Variants in ADK observed in about 807,000 individuals in gnomAD.
ADK encodes the protein N6,N6-dimethyladenosine kinase.
A neutral mutation model predicts 44.7 loss-of-function variants in ADK; 24 were observed. The ratio of observed to expected loss-of-function variants is 0.54; its 90% CI spans 0.39 to 0.76. The LOEUF (loss-of-function observed/expected upper bound fraction) is 0.76. ADK is among the 30% of genes least tolerant of loss of function. The pLI is 0.00. For missense variants in ADK, 321 were observed against 425.1 expected (o/e 0.76, Z 2.15); for synonymous variants, 128 against 142.6 (o/e 0.90, Z 0.73).
chr10:74,654,635 AC>A (rs1429658530), intron 9 of ADK, among the ~76,000 whole-genome samples: 2 of 152,000 alleles, frequency 1.3e-5, no homozygotes, highest in African/African-American at 4.8e-5. Flanking sequence ...ACATGGGGAA[AC>A]CCCCGTCTCT....
intron 2 of ADK, among the ~76,000 whole-genome samples, chr10:74,206,176 A>C (rs531251481): frequency 1.3e-5 from 2 of 152,378 alleles, no homozygotes; most frequent in Non-Finnish European, 2.9e-5. Context: ...CGTGTATTTC[A>C]AAAGTAAAAT....
intron 7 of ADK, among the ~76,000 whole-genome samples, chr10:74,579,970 A>G (rs1851320974): frequency 6.6e-6 from 1 of 152,214 alleles, no homozygotes; most frequent in Non-Finnish European, 1.5e-5. Context: ...GTTGGGGACA[A>G]TATTAGCTCT....
chr10:74,518,314 T>C (rs1241044654), intron 6 of ADK, among the ~76,000 whole-genome samples: 1 of 152,208 alleles, frequency 6.6e-6, no homozygotes, highest in African/African-American at 2.4e-5. Context: ...CTAGGCTTGG[T>C]TGGGCTCTCT....
At chr10:74,366,901 G>T (rs1028781840) in intron 4 of ADK, among the ~76,000 whole-genome samples, 11 of 152,204 alleles carry the variant, frequency 7.2e-5, no homozygotes, top group African/African-American at 2.7e-4. Flanking sequence ...CTGCACTCCA[G>T]CCTAGGTAAC....
In ADK at chr10:74,328,374, C is replaced by T. The variant is rs545222856; in HGVS notation, c.273+13629C>T. ...TTACAATAGGCCGAATAGCCACTTCCCACTCATTTTTTCCACCATAGAAAA... is the reference window on the plus strand; with the variant it reads ...TTACAATAGGCCGAATAGCCACTTCTCACTCATTTTTTCCACCATAGAAAA... On this transcript the variant is annotated intron_variant, in intron 4 of 10. Coordinates refer to ENST00000539909, the MANE Select transcript of ADK (RefSeq NM_006721.4). 1.4e-4 allele frequency among the ~76,000 whole-genome samples: 18 copies of T among 129,624 alleles called. No homozygotes were observed. In the South Asian group the frequency reaches 3.7e-3, roughly 26 times the overall value. The allele number at this position is 129,624 out of a possible 152,430, so 85.0% of individuals were successfully genotyped here. A position where few individuals can be genotyped will look rare whatever the true frequency, so the allele number is the denominator to read the frequency against.
chr10:74,296,540 G>A (rs1839821696), intron 3 of ADK, among the ~76,000 whole-genome samples: 1 of 151,940 alleles, frequency 6.6e-6, no homozygotes, highest in Admixed American at 6.6e-5. Flanking sequence ...GCTATCATAA[G>A]GATATAAATT....
chr10:74,218,499 A>G (rs1455218107), intron 2 of ADK, among the ~76,000 whole-genome samples: 1 of 152,222 alleles, frequency 6.6e-6, no homozygotes, highest in Non-Finnish European at 1.5e-5. Context: ...CAACATTCAG[A>G]TTCAGGAAAT....
intron 10 of ADK, among the ~76,000 whole-genome samples, chr10:74,675,891 T>C (rs1261924968): frequency 2.6e-5 from 4 of 152,322 alleles, no homozygotes; most frequent in African/African-American, 9.6e-5. Context: ...TTTAGTCATA[T>C]GTTTTATGGC....
At chr10:74,195,764 A>G (rs1210816356) in intron 1 of ADK, among the ~76,000 whole-genome samples, 1 of 123,682 alleles carries the variant, frequency 8.1e-6, no homozygotes, top group South Asian at 2.5e-4. Context: ...TGTAGCCTCA[A>G]CCTCCTGGGC....
At chr10:74,159,784 G>A (rs1281280201) in intron 1 of ADK, among the ~76,000 whole-genome samples, 1 of 152,036 alleles carries the variant, frequency 6.6e-6, no homozygotes, top group East Asian at 1.9e-4. Flanking sequence ...GTAGAGACAG[G>A]GTTTCACAAT....
chr10:74,283,327 CCTGTTTGGCTTCTT>C (rs1315305784), intron 3 of ADK, among the ~76,000 whole-genome samples: 1 of 151,696 alleles, frequency 6.6e-6, no homozygotes, highest in Non-Finnish European at 1.5e-5. Context: ...ATGTTAGCTT[CCTGTTTGGCTTCTT>C]CCTAGTTTGA....
chr10:74,360,415 G>C (rs899438457), intron 4 of ADK, among the ~76,000 whole-genome samples: 10 of 152,166 alleles, frequency 6.6e-5, no homozygotes, highest in African/African-American at 2.4e-4. Context: ...TTGGTCTAGA[G>C]TATAGTTTTT....
intron 7 of ADK, among the ~76,000 whole-genome samples, chr10:74,544,802 C>T (rs7909196): frequency 4.0e-4 from 61 of 151,954 alleles, no homozygotes; most frequent in African/African-American, 1.4e-3. Flanking sequence ...GTGGAGGTTG[C>T]GGTGAGCTGA....
At chr10:74,194,662 A>G (rs968349764) in intron 1 of ADK, among the ~76,000 whole-genome samples, 6 of 152,198 alleles carry the variant, frequency 3.9e-5, no homozygotes, top group African/African-American at 9.6e-5. Flanking sequence ...AATTCAGGCA[A>G]TGTCTGCAGA....
chr10:74,643,162 T>G (rs923235399), intron 9 of ADK, among the ~76,000 whole-genome samples: 1 of 152,074 alleles, frequency 6.6e-6, no homozygotes, highest in Non-Finnish European at 1.5e-5. Flanking sequence ...GGTCTTAAAA[T>G]TGAAAGGGAC....
chr10:74,676,735 A>G (rs576986285), intron 10 of ADK, among the ~76,000 whole-genome samples: 2 of 152,300 alleles, frequency 1.3e-5, no homozygotes, highest in East Asian at 3.9e-4. Flanking sequence ...CTGGATTACA[A>G]TTGATTAAAA....
At chr10:74,600,544 T>TA in intron 9 of ADK, 51 bp downstream of exon 9, 2 of 1,222,002 alleles carry the variant, frequency 1.6e-6, no homozygotes, top group South Asian at 1.4e-5. Context: ...ATTAATCAAT[T>TA]ACAAAAAAAA....
At chr10:74,164,347 C>T (rs1021934021) in intron 1 of ADK, among the ~76,000 whole-genome samples, 2 of 151,952 alleles carry the variant, frequency 1.3e-5, no homozygotes, top group Non-Finnish European at 2.9e-5. Context: ...ACCAGCCTGG[C>T]CAACATGTTG....
chr10:74,699,151 T>C (rs1464096850), intron 10 of ADK, among the ~76,000 whole-genome samples: 2 of 15,848 alleles, frequency 1.3e-4, no homozygotes, highest in Non-Finnish European at 3.9e-4. Flanking sequence ...ACCTAGCCTT[T>C]TTTTTTTTTT....
Sources: gnomAD v4.1 joint callset for allele counts (sites outside exome capture counted in the v4.1 genomes callset) on GRCh38, gnomAD v4.1.1 for gene constraint, MANE v1.5 for transcripts, NCBI Gene and HGNC (gene_info 2026-07-23, HGNC 2026-07-21) for gene names.